Variants in THRB observed in about 807,000 individuals in gnomAD.
THRB encodes the protein nuclear receptor subfamily 1 group A member 2.
A neutral mutation model predicts 47.8 loss-of-function variants in THRB; 12 were observed. The observed-to-expected ratio is 0.25, with a 90% CI of 0.16 to 0.41. THRB has a LOEUF of 0.41. Among genes scored for constraint, THRB ranks in the 10% least tolerant of loss-of-function variants. The pLI, the probability that THRB is intolerant of heterozygous loss-of-function variation, is 1.00. For synonymous variants in THRB, 218 were observed against 212.2 expected, an observed-to-expected ratio of 1.03 and a Z score of -0.24; for missense variants, 348 against 589.2, an observed-to-expected ratio of 0.59 and a Z score of 4.24.
At chr3:24,153,971 C>A (rs559294077) in intron 5 of THRB, among the ~76,000 whole-genome samples, 3 of 152,214 alleles carry the variant, frequency 2.0e-5, no homozygotes, top group African/African-American at 7.2e-5. Flanking sequence ...TAAACTAGGT[C>A]ACTGAAGTCT....
chr3:24,419,123 T>C (rs540076760), intron 1 of THRB, among the ~76,000 whole-genome samples: 1 of 152,018 alleles, frequency 6.6e-6, no homozygotes, highest in Non-Finnish European at 1.5e-5. Context: ...TCTTTGCCCA[T>C]AGGGCATCGA....
rs978615841 is a variant in THRB, at chr3:24,432,643, A to G, written c.-261+62009T>C. Among the ~76,000 whole-genome samples, 3 of 152,182 alleles carry G rather than the reference A, an allele frequency of 2.0e-5. No homozygotes were observed. In the East Asian group the frequency reaches 5.8e-4, roughly 29 times the overall value. On this transcript the variant is annotated intron_variant, in intron 1 of 10. Transcript: ENST00000646209. ...AGTGAACTTGAATTTGAGATATTCA[A>G]CTGAGAGAAGAGATTAGGAGAACTG...
chr3:24,389,577 G>C (rs1245871164), intron 1 of THRB, among the ~76,000 whole-genome samples: 3 of 152,138 alleles, frequency 2.0e-5, no homozygotes, highest in African/African-American at 7.2e-5. Context: ...TTCTCAGCGA[G>C]ATTTGTGCTT....
intron 1 of THRB, among the ~76,000 whole-genome samples, chr3:24,378,543 C>A (rs1042023479): frequency 6.6e-6 from 1 of 152,024 alleles, no homozygotes; most frequent in Non-Finnish European, 1.5e-5. Context: ...AAGATAAATC[C>A]TAGTGACCTA....
chr3:24,442,545 C>G (rs970086022), intron 1 of THRB, among the ~76,000 whole-genome samples: 3 of 152,228 alleles, frequency 2.0e-5, no homozygotes, highest in Non-Finnish European at 4.4e-5. Context: ...TAAGGTCTAG[C>G]CAGGCGCAGT....
chr3:24,401,492 T>C (rs2067395354), intron 1 of THRB, among the ~76,000 whole-genome samples: 1 of 152,094 alleles, frequency 6.6e-6, no homozygotes, highest in Non-Finnish European at 1.5e-5. Flanking sequence ...TTGATTTTAC[T>C]ATTATCACTA....
At chr3:24,290,269 C>T (rs2150966618) in intron 3 of THRB, among the ~76,000 whole-genome samples, 1 of 152,276 alleles carries the variant, frequency 6.6e-6, no homozygotes, top group Middle Eastern at 3.4e-3. Context: ...TACTGGGTTA[C>T]TTTAATTAAA....
chr3:24,341,589 T>C (rs1304824833), intron 1 of THRB, among the ~76,000 whole-genome samples: 2 of 152,178 alleles, frequency 1.3e-5, no homozygotes, highest in Non-Finnish European at 2.9e-5. Flanking sequence ...CACAATACTT[T>C]ACCCCTCCCT....
At chr3:24,447,556 T>G (rs751588888) in intron 1 of THRB, among the ~76,000 whole-genome samples, 1 of 152,266 alleles carries the variant, frequency 6.6e-6, no homozygotes, top group East Asian at 1.9e-4. Flanking sequence ...CACAGGGATA[T>G]CTTTATTTCT....
At chr3:24,375,589 G>T (rs546743409) in intron 1 of THRB, among the ~76,000 whole-genome samples, 53 of 148,626 alleles carry the variant, frequency 3.6e-4, no homozygotes, top group Middle Eastern at 3.6e-3. Context: ...CAGAATAAAA[G>T]AAAAACTAAC....
At chr3:24,265,005 T>C (rs1183380271) in intron 3 of THRB, among the ~76,000 whole-genome samples, 1 of 151,930 alleles carries the variant, frequency 6.6e-6, no homozygotes, top group African/African-American at 2.4e-5. Context: ...TAAAGCAGAG[T>C]AATTAGACAG....
intron 1 of THRB, among the ~76,000 whole-genome samples, chr3:24,386,670 G>A (rs2066132222): frequency 6.6e-6 from 1 of 152,028 alleles, no homozygotes; most frequent in South Asian, 2.1e-4. Context: ...CCTCTCCCAT[G>A]CATATTTCAA....
chr3:24,448,395 G>T (rs939199445), intron 1 of THRB, among the ~76,000 whole-genome samples: 4 of 152,152 alleles, frequency 2.6e-5, no homozygotes, highest in Admixed American at 2.6e-4. Flanking sequence ...ACCAAAAGAG[G>T]TTAACCAGAA....
chr3:24,327,661 T>G (rs1217817691), intron 2 of THRB, among the ~76,000 whole-genome samples: 1 of 152,174 alleles, frequency 6.6e-6, no homozygotes, highest in African/African-American at 2.4e-5. Flanking sequence ...AACAACAAAA[T>G]AAATAAACTA....
At chr3:24,366,715 G>A (rs1048629386) in intron 1 of THRB, among the ~76,000 whole-genome samples, 6 of 150,882 alleles carry the variant, frequency 4.0e-5, no homozygotes, top group Non-Finnish European at 8.8e-5. Context: ...CAGCCTCCCG[G>A]GTTCAAGCAA....
chr3:24,140,314 A>C (rs1003448486), intron 8 of THRB, among the ~76,000 whole-genome samples: 1 of 152,224 alleles, frequency 6.6e-6, no homozygotes, highest in Non-Finnish European at 1.5e-5. Context: ...AACTAACCCC[A>C]AACTTTGTGG....
At chr3:24,192,596 A>G (rs1395029954) in intron 4 of THRB, among the ~76,000 whole-genome samples, 1 of 152,120 alleles carries the variant, frequency 6.6e-6, no homozygotes, top group African/African-American at 2.4e-5. Context: ...TAGGGAAACA[A>G]TGCTTGGCTG....
intron 1 of THRB, among the ~76,000 whole-genome samples, chr3:24,446,612 T>C (rs370644869): frequency 1.3e-5 from 2 of 151,444 alleles, no homozygotes; most frequent in Admixed American, 6.6e-5. Context: ...ATTCCTGCAA[T>C]GCCTACTGTG....
chr3:24,446,840 A>C (rs1157735672), intron 1 of THRB, among the ~76,000 whole-genome samples: 1 of 152,172 alleles, frequency 6.6e-6, no homozygotes, highest in Non-Finnish European at 1.5e-5. Context: ...TTCCTATAGC[A>C]ATACTTACAC....
Sources: gnomAD v4.1 joint callset for allele counts (sites outside exome capture counted in the v4.1 genomes callset) on GRCh38, gnomAD v4.1.1 for gene constraint, MANE v1.5 for transcripts, NCBI Gene and HGNC (gene_info 2026-07-23, HGNC 2026-07-21) for gene names.